TRAPPC9: variants seen among roughly 807,000 people sequenced by gnomAD.
TRAPPC9 encodes the protein trafficking protein particle complex subunit 9, also known as IKK2 binding protein.
Under a neutral mutation model 124.0 loss-of-function variants are expected in TRAPPC9, and 83 were observed. The observed-to-expected ratio is 0.67, with a 90% CI of 0.56 to 0.80. The LOEUF (loss-of-function observed/expected upper bound fraction) is 0.80. TRAPPC9 is among the 30% of genes least tolerant of loss of function. TRAPPC9 has a pLI of 0.00. For missense variants in TRAPPC9, 1,302 were observed against 1,508.3 expected, an observed-to-expected ratio of 0.86 and a Z score of 2.27; for synonymous variants, 638 against 617.5, an observed-to-expected ratio of 1.03 and a Z score of -0.49.
rs2062225474 is a variant in TRAPPC9, at chr8:140,182,434, G to A, written c.2556+39025C>T. On this transcript the variant is annotated intron_variant, in intron 17 of 22. Coordinates refer to ENST00000438773, the MANE Select transcript of TRAPPC9 (RefSeq NM_001160372.4). The surrounding 1 kb of genome is among the most constrained non-coding windows in gnomAD (Gnocchi z 4.0). The stretch of plus-strand genomic sequence containing the variant: ...TGTTTGAGAATGGCCGCTTCCCAAA[G>A]CTGTTATTCGATAGACAGAAAACAG... 6.6e-6 allele frequency among the ~76,000 whole-genome samples: 1 copy of A among 151,824 alleles called. No homozygotes were observed. Among genetic ancestry groups the A allele is most frequent in the Non-Finnish European group, 1.5e-5 (1 of 68,004 alleles).
chr8:139,945,195 T>C (rs1834132144), intron 19 of TRAPPC9, among the ~76,000 whole-genome samples: 1 of 152,152 alleles, frequency 6.6e-6, no homozygotes, highest in South Asian at 2.1e-4. Context: ...TATACGTTGT[T>C]TATAAGTAAA....
At chr8:140,093,842 C>T (rs1433442101) in intron 17 of TRAPPC9, among the ~76,000 whole-genome samples, 2 of 152,146 alleles carry the variant, frequency 1.3e-5, no homozygotes, top group African/African-American at 4.8e-5. Flanking sequence ...CTTAGAATCC[C>T]AACCATGGCC....
intron 17 of TRAPPC9, among the ~76,000 whole-genome samples, chr8:140,214,223 G>A (rs1004567956): frequency 6.6e-6 from 1 of 152,210 alleles, no homozygotes; most frequent in Non-Finnish European, 1.5e-5. Context: ...TTCTGGTTAC[G>A]ATGACATGTT....
At chr8:140,004,807 C>G (rs550411525) in intron 18 of TRAPPC9, among the ~76,000 whole-genome samples, 22 of 152,294 alleles carry the variant, frequency 1.4e-4, no homozygotes, top group Non-Finnish European at 3.2e-4. Flanking sequence ...CAGATATCCC[C>G]AAGGCCTCCC....
At chr8:140,002,124 G>A (rs891865706) in intron 18 of TRAPPC9, among the ~76,000 whole-genome samples, 3 of 151,282 alleles carry the variant, frequency 2.0e-5, no homozygotes, top group African/African-American at 7.3e-5. Context: ...AGACAAAGAC[G>A]GAAGAAAAAA....
At chr8:139,888,745 T>C (rs1360538015) in intron 20 of TRAPPC9, among the ~76,000 whole-genome samples, 1 of 152,258 alleles carries the variant, frequency 6.6e-6, no homozygotes, top group Non-Finnish European at 1.5e-5. Flanking sequence ...ATATTGTTAC[T>C]GACAAATACT....
At chr8:140,267,132 G>T (rs1184063849) in intron 15 of TRAPPC9, among the ~76,000 whole-genome samples, 1 of 152,218 alleles carries the variant, frequency 6.6e-6, no homozygotes, top group Non-Finnish European at 1.5e-5. Flanking sequence ...ATTGATGTCT[G>T]AAGAAAAAGC....
chr8:139,797,145 C>T (rs1184014873), intron 21 of TRAPPC9, among the ~76,000 whole-genome samples: 1 of 151,900 alleles, frequency 6.6e-6, no homozygotes, highest in Non-Finnish European at 1.5e-5. Flanking sequence ...ATTCTGGATA[C>T]CAGTCCCTTA....
chr8:140,161,714 T>C (rs1033806480), intron 17 of TRAPPC9, among the ~76,000 whole-genome samples: 1 of 152,100 alleles, frequency 6.6e-6, no homozygotes, highest in African/African-American at 2.4e-5. Flanking sequence ...ATGCCCGATC[T>C]GCACAACTGT....
intron 21 of TRAPPC9, among the ~76,000 whole-genome samples, chr8:139,852,275 G>T (rs1448048689): frequency 6.6e-6 from 1 of 152,148 alleles, no homozygotes; most frequent in Non-Finnish European, 1.5e-5. Context: ...CCAGTCTCAG[G>T]TATGTCTTTA....
chr8:139,819,158 T>C (rs763688557), intron 21 of TRAPPC9, among the ~76,000 whole-genome samples: 2 of 152,144 alleles, frequency 1.3e-5, no homozygotes, highest in African/African-American at 4.8e-5. Flanking sequence ...ACAAACCCTA[T>C]TATGAACTGC....
In TRAPPC9 at chr8:139,960,808, A is replaced by C. The variant is rs1835330805; in HGVS notation, c.2810+27918T>G. Among the ~76,000 whole-genome samples the C allele has an allele frequency of 1.6e-5, 2 of 124,902 alleles. 1 individual carries two copies. The highest frequency in any genetic ancestry group is 3.8e-5 in the Non-Finnish European group (2 of 52,254). The allele number at this position is 124,902 out of a possible 152,430, so 81.9% of individuals were successfully genotyped here. Reference sequence around the variant, plus strand: ...CTGCTGTCCCTTCTGCACTCCTGCCACTGCAGCTGGTGGGGCTCAGCTTGC... The same window carrying C: ...CTGCTGTCCCTTCTGCACTCCTGCCCCTGCAGCTGGTGGGGCTCAGCTTGC... On this transcript the variant is annotated intron_variant, in intron 19 of 22. Transcript: ENST00000438773.
intron 21 of TRAPPC9, among the ~76,000 whole-genome samples, chr8:139,841,511 A>G (rs960585945): frequency 6.6e-6 from 1 of 152,200 alleles, no homozygotes; most frequent in African/African-American, 2.4e-5. Flanking sequence ...GAAGTCAGGC[A>G]GCACGGAAAT....
At chr8:139,759,482 G>A (rs566792077) in intron 21 of TRAPPC9, among the ~76,000 whole-genome samples, 22 of 152,296 alleles carry the variant, frequency 1.4e-4, no homozygotes, top group African/African-American at 4.6e-4. Context: ...CCACGTGGGC[G>A]GTGCTGAAAT....
In TRAPPC9 at chr8:139,776,362, T is replaced by C. The variant is rs1265917697; in HGVS notation, c.3056-44160A>G. Among the ~76,000 whole-genome samples, 1 of 152,198 alleles carries C rather than the reference T, an allele frequency of 6.6e-6. No homozygotes were observed. The highest frequency in any genetic ancestry group is 2.4e-5 in the African/African-American group (1 of 41,460). ...TCATCTCACTCGTCACAACATAGTA[T>C]TGATCGGTTTGTCCTCCGTGACCCA... On this transcript the variant is annotated intron_variant, in intron 21 of 22. Transcript: ENST00000438773. The surrounding 1 kb of genome is among the most constrained non-coding windows in gnomAD (Gnocchi z 4.1).
At chr8:139,769,936 A>G (rs1820840887) in intron 21 of TRAPPC9, among the ~76,000 whole-genome samples, 1 of 152,224 alleles carries the variant, frequency 6.6e-6, no homozygotes, top group Non-Finnish European at 1.5e-5. Flanking sequence ...TGAATATGAC[A>G]CTTGTGACCC....
intron 21 of TRAPPC9, among the ~76,000 whole-genome samples, chr8:139,832,432 T>A (rs1263092094): frequency 1.3e-5 from 2 of 152,078 alleles, no homozygotes; most frequent in African/African-American, 2.4e-5. Context: ...CAGCCGCTGG[T>A]TGGTCTGGGA....
In TRAPPC9 at chr8:140,353,032, G is replaced by A. The variant is rs553309594; in HGVS notation, c.1495+7018C>T. ...CTTAAAACAATCCCACAAGGTAGACGCAAAAACCAAGACACAGATAGGGTT... is the reference window on the plus strand; with the variant it reads ...CTTAAAACAATCCCACAAGGTAGACACAAAAACCAAGACACAGATAGGGTT... On this transcript the variant is annotated intron_variant, in intron 9 of 22. Coordinates refer to ENST00000438773, the MANE Select transcript of TRAPPC9 (RefSeq NM_001160372.4). This position sits in a 1 kb window ranked among gnomAD's most constrained non-coding sequence, Gnocchi z 4.2. Among the ~76,000 whole-genome samples, 2 of 152,214 alleles carry A rather than the reference G, an allele frequency of 1.3e-5. No homozygotes were observed. Among genetic ancestry groups the A allele is most frequent in the East Asian group, 1.9e-4 (1 of 5,180 alleles).
chr8:140,418,473 C>A (rs1306121839), intron 5 of TRAPPC9, among the ~76,000 whole-genome samples: 1 of 152,202 alleles, frequency 6.6e-6, no homozygotes, highest in Non-Finnish European at 1.5e-5. Flanking sequence ...GTAATCCCAG[C>A]ACTTTGGGAG....
Sources: allele counts gnomAD v4.1 joint callset (sites outside exome capture counted in the v4.1 genomes callset), GRCh38; gene constraint gnomAD v4.1.1; non-coding constraint Gnocchi (gnomAD v3.1); transcripts MANE v1.5; gene names NCBI Gene and HGNC (gene_info 2026-07-23, HGNC 2026-07-21).